The following CDH9 variants were observed in gnomAD, a reference collection of about 807,000 sequenced individuals.
CDH9 encodes the protein cadherin-9.
Under a neutral mutation model 70.9 loss-of-function variants are expected in CDH9, and 28 were observed. The ratio of observed to expected loss-of-function variants is 0.40; its 90% confidence interval spans 0.29 to 0.54. CDH9 has a LOEUF of 0.54. Among genes scored for constraint, CDH9 ranks in the 20% least tolerant of loss-of-function variants. The probability of loss-of-function intolerance (pLI) is 0.59; values close to 1 mark genes in which losing one functional copy is unlikely to be tolerated. For missense variants in CDH9, 874 were observed against 984.4 expected (o/e 0.89, Z 1.50); for synonymous variants, 409 against 343.1 (o/e 1.19, Z -2.12).
intron 2 of CDH9, among the ~76,000 whole-genome samples, chr5:26,922,884 T>C (rs1028570642): frequency 6.6e-6 from 1 of 151,734 alleles, no homozygotes; most frequent in African/African-American, 2.4e-5. Flanking sequence ...ATTAGTTTTC[T>C]CTTTGCTTGC....
intron 2 of CDH9, among the ~76,000 whole-genome samples, chr5:26,957,264 T>G (rs13355586): frequency 0.079 from 11,989 of 152,170 alleles, 1,659 homozygotes; most frequent in African/African-American, 0.27. Context: ...GTAGGAGTGC[T>G]GTGAAGGCAT....
chr5:27,001,707 T>C lies in CDH9; in HGVS notation c.-49-13325A>G, dbSNP rs781463690. Among the ~76,000 whole-genome samples, 14 of 152,214 alleles carry C rather than the reference T, an allele frequency of 9.2e-5. No individual in the cohort carries two copies. The South Asian group carries it at 1.7e-3, about 18-fold the overall frequency. On this transcript the variant is annotated intron_variant, in intron 1 of 11. Transcript: ENST00000231021. Reference sequence around the variant, plus strand: ...CTCATCTATAACCTAGCTCTTAGTGTCTAATACCATTTTCCATCAAAATGA... The same window carrying C: ...CTCATCTATAACCTAGCTCTTAGTGCCTAATACCATTTTCCATCAAAATGA...
At chr5:26,893,969 T>G (rs908676267) in intron 7 of CDH9, among the ~76,000 whole-genome samples, 1 of 152,168 alleles carries the variant, frequency 6.6e-6, no homozygotes, top group Non-Finnish European at 1.5e-5. Flanking sequence ...ATAAGGTTTT[T>G]GAGAGAAAAG....
intron 2 of CDH9, among the ~76,000 whole-genome samples, chr5:26,965,338 G>A (rs1742110168): frequency 6.6e-6 from 1 of 152,060 alleles, no homozygotes; most frequent in Non-Finnish European, 1.5e-5. Flanking sequence ...CACTTTGGGA[G>A]GCTGAGGTGG....
chr5:26,954,402 T>TTTTTTTTTTTA (rs1741905554), intron 2 of CDH9, among the ~76,000 whole-genome samples: 6 of 143,688 alleles, frequency 4.2e-5, no homozygotes, highest in South Asian at 2.2e-4. Flanking sequence ...TTTTTTTTTT[T>TTTTTTTTTTTA]GAGACATAGT....
At chr5:27,032,487 A>G (rs752371725) in intron 1 of CDH9, among the ~76,000 whole-genome samples, 1 of 151,662 alleles carries the variant, frequency 6.6e-6, no homozygotes, top group Non-Finnish European at 1.5e-5. Context: ...ACCATATTAA[A>G]TATGTCACAT....
chr5:26,997,957 C>T (rs925504808), intron 1 of CDH9, among the ~76,000 whole-genome samples: 1 of 152,164 alleles, frequency 6.6e-6, no homozygotes, highest in Admixed American at 6.5e-5. Flanking sequence ...CTCGGCCTCC[C>T]AAAGTGCTGG....
intron 9 of CDH9, among the ~76,000 whole-genome samples, chr5:26,887,799 G>C (rs1740590345): frequency 6.6e-6 from 1 of 152,106 alleles, no homozygotes; most frequent in South Asian, 2.1e-4. Flanking sequence ...GATACAGGAA[G>C]AATGCCATGA....
chr5:26,933,329 A>T (rs1202061335), intron 2 of CDH9, among the ~76,000 whole-genome samples: 2 of 151,692 alleles, frequency 1.3e-5, no homozygotes, highest in African/African-American at 4.8e-5. Context: ...CTCTAGAACC[A>T]TGAAAAATAT....
intron 1 of CDH9, among the ~76,000 whole-genome samples, chr5:27,017,377 A>C (rs910494344): frequency 6.6e-6 from 1 of 151,894 alleles, no homozygotes; most frequent in Admixed American, 6.6e-5. Flanking sequence ...GGGAATTTTT[A>C]AAAAAATGTT....
intron 1 of CDH9, among the ~76,000 whole-genome samples, chr5:27,015,250 C>G (rs905006678): frequency 6.6e-6 from 1 of 151,174 alleles, no homozygotes; most frequent in Non-Finnish European, 1.5e-5. Flanking sequence ...TAAATAATAC[C>G]CAAGGAGGGT....
At chr5:26,931,185 C>G (rs141604945) in intron 2 of CDH9, among the ~76,000 whole-genome samples, 397 of 152,154 alleles carry the variant, frequency 2.6e-3, no homozygotes, top group African/African-American at 8.9e-3. Flanking sequence ...AGCATTCTGT[C>G]TGGACAAGAA....
At chr5:26,899,724 G>A (rs1198404019) in intron 7 of CDH9, among the ~76,000 whole-genome samples, 1 of 151,906 alleles carries the variant, frequency 6.6e-6, no homozygotes, top group Non-Finnish European at 1.5e-5. Context: ...GTCAGGGGTT[G>A]GGGGAGCTAG....
intron 2 of CDH9, among the ~76,000 whole-genome samples, chr5:26,982,398 G>A (rs1465487456): frequency 6.6e-6 from 1 of 152,074 alleles, no homozygotes; most frequent in African/African-American, 2.4e-5. Flanking sequence ...CAAAGAGGAA[G>A]TTTGACTTTG....
chr5:26,949,458 A>C (rs1453948691), intron 2 of CDH9, among the ~76,000 whole-genome samples: 1 of 152,244 alleles, frequency 6.6e-6, no homozygotes, highest in Non-Finnish European at 1.5e-5. Context: ...CTGCATCTAC[A>C]AATTAAACCA....
chr5:26,880,677 CA>C lies in CDH9; in HGVS notation c.*458del, dbSNP rs1740444906. Reference sequence around the variant, plus strand: ...TTATAAAAATATGAATGAATTAACACAAAGACATTCTTCAACTAAATAAATA... The same window carrying C: ...TTATAAAAATATGAATGAATTAACACAAGACATTCTTCAACTAAATAAATA... On this transcript the variant is annotated 3_prime_UTR_variant, in exon 12 of 12. Coordinates refer to ENST00000231021, the MANE Select transcript of CDH9 (RefSeq NM_016279.4). 6.6e-6 allele frequency: 1 copy of C among 152,272 alleles called. No individual in the cohort carries two copies. The highest frequency in any genetic ancestry group is 6.6e-5 in the Admixed American group (1 of 15,198). The allele number at this position is 152,272 out of a possible 1,614,324, so 9.4% of individuals were successfully genotyped here. A position where few individuals can be genotyped will look rare whatever the true frequency, so the allele number is the denominator to read the frequency against.
chr5:26,892,788 T>G (rs537622480), intron 7 of CDH9, among the ~76,000 whole-genome samples: 1 of 152,186 alleles, frequency 6.6e-6, no homozygotes, highest in Non-Finnish European at 1.5e-5. Flanking sequence ...TGCAGTGCAG[T>G]GGCGCGATCT....
chr5:26,959,407 G>C (rs1336991712), intron 2 of CDH9, among the ~76,000 whole-genome samples: 2 of 152,060 alleles, frequency 1.3e-5, no homozygotes, highest in Non-Finnish European at 2.9e-5. Context: ...TTGCTGGTAG[G>C]CATATAAGTG....
intron 2 of CDH9, among the ~76,000 whole-genome samples, chr5:26,927,823 A>G (rs1317876522): frequency 6.6e-6 from 1 of 152,044 alleles, no homozygotes; most frequent in African/African-American, 2.4e-5. Context: ...CATCGAATTA[A>G]TGGACCCCTT....
Sources: allele counts gnomAD v4.1 joint callset (sites outside exome capture counted in the v4.1 genomes callset), GRCh38; gene constraint gnomAD v4.1.1; transcripts MANE v1.5; gene names NCBI Gene and HGNC (gene_info 2026-07-23, HGNC 2026-07-21).